The following CTNND2 variants were observed in gnomAD, a reference collection of about 807,000 sequenced individuals.
CTNND2 encodes catenin delta 2, also known as catenin delta-2.
A neutral mutation model predicts 144.4 loss-of-function variants in CTNND2; 22 were observed. The observed-to-expected ratio is 0.15, with a 90% CI of 0.11 to 0.22. The LOEUF (loss-of-function observed/expected upper bound fraction) is 0.22, where lower values mean the gene tolerates loss of function less well. Ranked by LOEUF, CTNND2 falls within the 10% of genes least tolerant of loss-of-function variation. The pLI, the probability that CTNND2 is intolerant of heterozygous loss-of-function variation, is 1.00. For synonymous variants in CTNND2, 751 were observed against 695.6 expected, an observed-to-expected ratio of 1.08 and a Z score of -1.25; for missense variants, 1,353 against 1,618.8, an observed-to-expected ratio of 0.84 and a Z score of 2.82.
At chr5:11,628,022 T>C (rs1033851009) in intron 2 of CTNND2, among the ~76,000 whole-genome samples, 1 of 151,974 alleles carries the variant, frequency 6.6e-6, no homozygotes, top group Non-Finnish European at 1.5e-5. Flanking sequence ...TCTCTTGCTG[T>C]GCGGCCAGGT....
intron 1 of CTNND2, among the ~76,000 whole-genome samples, chr5:11,783,978 A>G (rs907616769): frequency 2.6e-5 from 4 of 152,198 alleles, no homozygotes; most frequent in Non-Finnish European, 4.4e-5. Context: ...GAACCACCCT[A>G]TAGAGCTGGT....
intron 15 of CTNND2, chr5:11,083,915 C>T (rs1356114698): frequency 6.9e-6 from 8 of 1,151,240 alleles, no homozygotes; most frequent in African/African-American, 1.7e-5. Context: ...TGGCAGTGAA[C>T]GTAGGGCATA....
At position 11,722,830 on chromosome 5, in the gene CTNND2, C is replaced by T. The variant is rs910631396; in HGVS notation, c.174+9306G>A. 2.6e-5 allele frequency among the ~76,000 whole-genome samples: 4 copies of T among 152,276 alleles called. No individual in the cohort carries two copies. The South Asian group carries it at 6.2e-4, about 24-fold the overall frequency. ...GGAACTACAATTTGAGATGACATTTCGGTGAGGACACAGCCAAACCATATC... is the reference window on the plus strand; with the variant it reads ...GGAACTACAATTTGAGATGACATTTTGGTGAGGACACAGCCAAACCATATC... On this transcript the variant is annotated intron_variant, in intron 2 of 21. Transcript: ENST00000304623.
chr5:11,034,303 T>G (rs1458100042), intron 16 of CTNND2, among the ~76,000 whole-genome samples: 3 of 152,234 alleles, frequency 2.0e-5, no homozygotes, highest in Non-Finnish European at 4.4e-5. Context: ...TATTTAAACA[T>G]TTAAAAAGGT....
chr5:11,903,884 C>G lies in CTNND2; in HGVS notation c.-31G>C. ...CTCCGCCGGCGACAGCTCCTCAGTC[C>G]GGGAAGAGGCGTGCGCGGCGCCGCC... On this transcript the variant is annotated 5_prime_UTR_variant, in exon 1 of 22. Transcript: ENST00000304623. The surrounding 1 kb of genome is among the most constrained non-coding windows in gnomAD (Gnocchi z 5.4). 1 of 1,431,326 alleles carries G rather than the reference C, an allele frequency of 7.0e-7. No individual in the cohort carries two copies. The highest frequency in any genetic ancestry group is 9.1e-7 in the Non-Finnish European group (1 of 1,099,946). The allele number at this position is 1,431,326 out of a possible 1,614,324, so 88.7% of individuals were successfully genotyped here. A position where few individuals can be genotyped will look rare whatever the true frequency, so the allele number is the denominator to read the frequency against.
At chr5:11,659,501 C>T (rs996475362) in intron 2 of CTNND2, among the ~76,000 whole-genome samples, 1 of 152,102 alleles carries the variant, frequency 6.6e-6, no homozygotes, top group Non-Finnish European at 1.5e-5. Context: ...TGCATTATAG[C>T]TTTCAAGTGT....
At chr5:11,351,254 C>A (rs1244055152) in intron 8 of CTNND2, among the ~76,000 whole-genome samples, 2 of 152,204 alleles carry the variant, frequency 1.3e-5, no homozygotes. Flanking sequence ...CCACTCAGGG[C>A]AAACACTGGA....
At chr5:11,519,923 A>C (rs1403915753) in intron 3 of CTNND2, among the ~76,000 whole-genome samples, 2 of 151,718 alleles carry the variant, frequency 1.3e-5, no homozygotes, top group Non-Finnish European at 2.9e-5. Context: ...CGGATCACCT[A>C]AGGTCAGGAG....
chr5:11,408,564 G>C (rs1761267684), intron 5 of CTNND2, among the ~76,000 whole-genome samples: 1 of 151,966 alleles, frequency 6.6e-6, no homozygotes, highest in South Asian at 2.1e-4. Context: ...CAGGATGAAG[G>C]AGCTTTCAAA....
chr5:11,384,734 C>T lies in CTNND2; in HGVS notation c.1108G>A (p.Glu370Lys), dbSNP rs1758866557. 11 of 1,612,662 alleles carry T rather than the reference C, an allele frequency of 6.8e-6. No individual in the cohort carries two copies. The highest frequency in any genetic ancestry group is 8.5e-6 in the Non-Finnish European group (10 of 1,179,676). Reference protein sequence around the residue: ...SPTKRLVHASEQYSKHSQELY... With the variant: ...SPTKRLVHASKQYSKHSQELY... ...TCCTGCGAGTGCTTGCTGTACTGCTCGGACGCGTGGACCAGGCGCTTGGTG... is the reference window on the plus strand; with the variant it reads ...TCCTGCGAGTGCTTGCTGTACTGCTTGGACGCGTGGACCAGGCGCTTGGTG... The change falls in exon 7 of 22, where the codon GAG becomes AAG. Residue 370 changes from glutamate (E) to lysine (K), a missense_variant. Around this residue, in one of 4 missense-constraint regions of CTNND2, gnomAD observed 708 missense variants for 706.4 expected, o/e 1.00. Transcript: ENST00000304623. The surrounding 1 kb of genome is among the most constrained non-coding windows in gnomAD (Gnocchi z 5.2).
At chr5:11,506,818 A>G (rs1771092686) in intron 3 of CTNND2, among the ~76,000 whole-genome samples, 1 of 152,152 alleles carries the variant, frequency 6.6e-6, no homozygotes, top group African/African-American at 2.4e-5. Flanking sequence ...CACTCATATC[A>G]CTCTAACACC....
At chr5:11,707,781 T>A (rs1424403038) in intron 2 of CTNND2, among the ~76,000 whole-genome samples, 1 of 152,236 alleles carries the variant, frequency 6.6e-6, no homozygotes, top group Non-Finnish European at 1.5e-5. Flanking sequence ...TTACAAAGTC[T>A]GTTTAAAAAT....
intron 9 of CTNND2, among the ~76,000 whole-genome samples, chr5:11,278,147 C>A (rs1044244511): frequency 2.0e-5 from 3 of 152,150 alleles, no homozygotes; most frequent in African/African-American, 7.2e-5. Context: ...CACCAGCTAT[C>A]TCCATCAAGG....
intron 9 of CTNND2, among the ~76,000 whole-genome samples, chr5:11,342,119 G>A (rs1754335086): frequency 6.6e-6 from 1 of 152,046 alleles, no homozygotes; most frequent in African/African-American, 2.4e-5. Context: ...CATGCGTCGT[G>A]AACAGTTAAA....
At chr5:11,130,738 AT>A (rs1217830515) in intron 12 of CTNND2, among the ~76,000 whole-genome samples, 1 of 152,000 alleles carries the variant, frequency 6.6e-6, no homozygotes, top group African/African-American at 2.4e-5. Context: ...CTAGGCATTG[AT>A]TTTTTCATGA....
intron 18 of CTNND2, among the ~76,000 whole-genome samples, chr5:11,011,639 C>G (rs1285941448): frequency 6.6e-6 from 1 of 152,202 alleles, no homozygotes; most frequent in Non-Finnish European, 1.5e-5. Flanking sequence ...GAAAAATCAT[C>G]TACCACTTTA....
At chr5:11,204,695 G>C (rs1342878952) in intron 10 of CTNND2, among the ~76,000 whole-genome samples, 1 of 152,084 alleles carries the variant, frequency 6.6e-6, no homozygotes, top group Non-Finnish European at 1.5e-5. Context: ...AATTACAGCA[G>C]TGTTCAGATA....
chr5:11,345,009 C>A lies in CTNND2; in HGVS notation c.1628+1363G>T, dbSNP rs1242798275. Among the ~76,000 whole-genome samples the A allele has an allele frequency of 2.6e-5, 4 of 152,200 alleles. No homozygotes were observed. The South Asian group carries it at 8.3e-4, about 32-fold the overall frequency. On this transcript the variant is annotated intron_variant, in intron 9 of 21. Transcript: ENST00000304623. ...AAATGTTTATTGTCAATTTAAACCTCCTATGTTAAATATAAACAATGTCAA... is the reference window on the plus strand; with the variant it reads ...AAATGTTTATTGTCAATTTAAACCTACTATGTTAAATATAAACAATGTCAA...
chr5:11,600,141 G>A (rs1322625735), intron 2 of CTNND2, among the ~76,000 whole-genome samples: 1 of 152,164 alleles, frequency 6.6e-6, no homozygotes, highest in Non-Finnish European at 1.5e-5. Flanking sequence ...GACACTGTCA[G>A]TGTTGGAGGC....
Sources: gnomAD v4.1 joint callset for allele counts (sites outside exome capture counted in the v4.1 genomes callset) on GRCh38, gnomAD v4.1.1 for gene constraint, gnomAD v4.1.1 regional missense constraint, Gnocchi (gnomAD v3.1) non-coding constraint, MANE v1.5 for transcripts, NCBI Gene and HGNC (gene_info 2026-07-23, HGNC 2026-07-21) for gene names.